The following L3MBTL3 variants were observed in gnomAD, a reference collection of about 807,000 sequenced individuals.
L3MBTL3 encodes the protein lethal(3)malignant brain tumor-like protein 3.
A neutral mutation model predicts 102.3 loss-of-function variants in L3MBTL3; 27 were observed. The observed-to-expected ratio is 0.26, with a 90% CI of 0.19 to 0.36. The LOEUF (loss-of-function observed/expected upper bound fraction) is 0.36. Ranked by LOEUF, L3MBTL3 falls within the 10% of genes least tolerant of loss-of-function variation. The pLI is 1.00. For synonymous variants in L3MBTL3, 340 were observed against 320.9 expected (o/e 1.06, Z -0.64); for missense variants, 798 against 955.3 (o/e 0.84, Z 2.17).
intron 15 of L3MBTL3, among the ~76,000 whole-genome samples, chr6:130,085,279 G>A (rs1584399610): frequency 1.3e-5 from 2 of 152,200 alleles, no homozygotes; most frequent in East Asian, 3.9e-4. Context: ...GAGTACTGAG[G>A]CGTAGGTAGC....
intron 14 of L3MBTL3, 22 bp downstream of exon 14, chr6:130,078,656 C>T: frequency 6.8e-7 from 1 of 1,466,712 alleles, no homozygotes; most frequent in Non-Finnish European, 9.5e-7. Context: ...TTTAATGTGG[C>T]TAATACTATT....
At position 130,083,807 on chromosome 6, in the gene L3MBTL3, A is replaced by G. The variant is rs1783510615; in HGVS notation, c.1407+102A>G. 5.8e-6 allele frequency: 3 copies of G among 514,926 alleles called. No individual in the cohort carries two copies. The East Asian group carries it at 1.0e-4, about 18-fold the overall frequency. The allele number at this position is 514,926 out of a possible 1,614,324, so 31.9% of individuals were successfully genotyped here. Reference sequence around the variant, plus strand: ...ATTAGTAAACCAGAATAGGAATGAGAAAAAAATAGAGCACCAAATAAGATG... The same window carrying G: ...ATTAGTAAACCAGAATAGGAATGAGGAAAAAATAGAGCACCAAATAAGATG... On this transcript the variant is annotated intron_variant, in intron 15 of 22. Transcript: ENST00000361794.
intron 18 of L3MBTL3, among the ~76,000 whole-genome samples, chr6:130,098,015 C>A (rs1285383687): frequency 2.6e-5 from 4 of 151,834 alleles, no homozygotes; most frequent in African/African-American, 9.7e-5. Flanking sequence ...TGCAGTGAGC[C>A]AAGATTGCGC....
At chr6:130,125,771 G>A (rs1786558497) in intron 20 of L3MBTL3, among the ~76,000 whole-genome samples, 1 of 152,098 alleles carries the variant, frequency 6.6e-6, no homozygotes, top group African/African-American at 2.4e-5. Context: ...CTTGCAGTGT[G>A]GGTAGCATTT....
At chr6:130,054,512 G>A (rs1233559739) in intron 7 of L3MBTL3, among the ~76,000 whole-genome samples, 2 of 152,214 alleles carry the variant, frequency 1.3e-5, no homozygotes. Flanking sequence ...ATCAATGTTA[G>A]AGGTAGGGTT....
At chr6:130,025,711 A>G (rs1307702965) in intron 2 of L3MBTL3, among the ~76,000 whole-genome samples, 1 of 152,160 alleles carries the variant, frequency 6.6e-6, no homozygotes, top group African/African-American at 2.4e-5. Flanking sequence ...TATGTATATT[A>G]TATGTAACAG....
chr6:130,026,522 A>G (rs1779355776), intron 2 of L3MBTL3, among the ~76,000 whole-genome samples: 2 of 152,188 alleles, frequency 1.3e-5, no homozygotes, highest in African/African-American at 4.8e-5. Flanking sequence ...TACTAAGATG[A>G]GCAATAATGA....
At chr6:130,060,482 T>C (rs1029395339) in intron 10 of L3MBTL3, among the ~76,000 whole-genome samples, 2 of 152,128 alleles carry the variant, frequency 1.3e-5, no homozygotes, top group Non-Finnish European at 2.9e-5. Flanking sequence ...GTTTTTTTTT[T>C]AGTATTTCAA....
chr6:130,084,522 G>A (rs534176978), intron 15 of L3MBTL3, among the ~76,000 whole-genome samples: 81 of 152,160 alleles, frequency 5.3e-4, no homozygotes, highest in Middle Eastern at 3.4e-3. Context: ...CATAAGGCAC[G>A]AAGAGAAACT....
chr6:130,037,126 T>C (rs542968509), intron 2 of L3MBTL3, among the ~76,000 whole-genome samples: 2 of 152,338 alleles, frequency 1.3e-5, no homozygotes, highest in Admixed American at 1.3e-4. Context: ...AAAGATTGAA[T>C]CAAACTTACA....
intron 19 of L3MBTL3, among the ~76,000 whole-genome samples, chr6:130,120,385 C>T (rs564924370): frequency 1.1e-4 from 16 of 152,238 alleles, no homozygotes; most frequent in African/African-American, 2.9e-4. Context: ...ATCACTTCAG[C>T]GGGTGGACTT....
At chr6:130,092,168 T>C (rs566896538) in intron 16 of L3MBTL3, among the ~76,000 whole-genome samples, 1 of 152,140 alleles carries the variant, frequency 6.6e-6, no homozygotes, top group East Asian at 1.9e-4. Flanking sequence ...AGAACACATA[T>C]TTGAGAAATA....
intron 20 of L3MBTL3, among the ~76,000 whole-genome samples, chr6:130,125,338 T>C (rs1786524092): frequency 6.6e-6 from 1 of 152,216 alleles, no homozygotes; most frequent in Non-Finnish European, 1.5e-5. Flanking sequence ...ATTTCCTACA[T>C]TGGCTTGTTC....
intron 10 of L3MBTL3, among the ~76,000 whole-genome samples, chr6:130,061,255 T>A (rs1396785808): frequency 6.6e-6 from 1 of 152,106 alleles, no homozygotes; most frequent in Non-Finnish European, 1.5e-5. Flanking sequence ...TGGCTAGTTT[T>A]TATATTTTTA....
chr6:130,130,750 T>C (rs1408308523), intron 20 of L3MBTL3, among the ~76,000 whole-genome samples: 1 of 152,210 alleles, frequency 6.6e-6, no homozygotes, highest in Non-Finnish European at 1.5e-5. Context: ...TAAAACATAT[T>C]TGAAGATTTG....
At chr6:130,062,891 A>G (rs1167542961) in intron 10 of L3MBTL3, among the ~76,000 whole-genome samples, 3 of 150,910 alleles carry the variant, frequency 2.0e-5, no homozygotes, top group Non-Finnish European at 4.4e-5. Context: ...AAAAGTATGG[A>G]CATATAAATT....
At chr6:130,078,783 C>T in intron 14 of L3MBTL3, 149 bp downstream of exon 14, 1 of 578,260 alleles carries the variant, frequency 1.7e-6, no homozygotes, top group Non-Finnish European at 3.1e-6. Context: ...AGTGCAAAAA[C>T]AGCCATAGAC....
At chr6:130,044,743 A>G (rs1283628400) in intron 3 of L3MBTL3, among the ~76,000 whole-genome samples, 1 of 152,188 alleles carries the variant, frequency 6.6e-6, no homozygotes, top group African/African-American at 2.4e-5. Flanking sequence ...TCTGAGATTC[A>G]GAGGTGACCC....
chr6:130,085,771 T>A (rs188761658), intron 15 of L3MBTL3, among the ~76,000 whole-genome samples: 9 of 152,262 alleles, frequency 5.9e-5, no homozygotes, highest in African/African-American at 2.2e-4. Context: ...TAATTTTTAT[T>A]TTTTTGAGAC....
Sources: gnomAD v4.1 joint callset for allele counts (sites outside exome capture counted in the v4.1 genomes callset) on GRCh38, gnomAD v4.1.1 for gene constraint, MANE v1.5 for transcripts, NCBI Gene and HGNC (gene_info 2026-07-23, HGNC 2026-07-21) for gene names.